The following RIMS2 variants were observed in gnomAD, a reference collection of about 807,000 sequenced individuals.
The protein encoded by RIMS2 is regulating synaptic membrane exocytosis protein 2.
Under a neutral mutation model 174.4 loss-of-function variants are expected in RIMS2, and 59 were observed. The ratio of observed to expected loss-of-function variants is 0.34; its 90% confidence interval spans 0.27 to 0.42. RIMS2 has a LOEUF of 0.42. Ranked by LOEUF, RIMS2 falls within the 10% of genes least tolerant of loss-of-function variation. The pLI is 1.00. For missense variants in RIMS2, 1,620 were observed against 1,666.3 expected, an observed-to-expected ratio of 0.97 and a Z score of 0.48; for synonymous variants, 606 against 572.5, an observed-to-expected ratio of 1.06 and a Z score of -0.84.
chr8:103,533,676 A>AG (rs1554605710), intron 1 of RIMS2, among the ~76,000 whole-genome samples: 1 of 116,552 alleles, frequency 8.6e-6, no homozygotes, highest in African/African-American at 3.0e-5. Flanking sequence ...AAAAAAAAAA[A>AG]AAAAAAGAAA....
At chr8:104,101,346 C>T (rs1178483198) in intron 19 of RIMS2, among the ~76,000 whole-genome samples, 1 of 151,898 alleles carries the variant, frequency 6.6e-6, no homozygotes, top group African/African-American at 2.4e-5. Flanking sequence ...AGGGGCTGGT[C>T]TCAAACTCCT....
chr8:104,044,943 A>G (rs1181229292), intron 19 of RIMS2, among the ~76,000 whole-genome samples: 1 of 151,826 alleles, frequency 6.6e-6, no homozygotes, highest in Non-Finnish European at 1.5e-5. Flanking sequence ...ATTATTTTAG[A>G]AAAGGAAGCA....
chr8:103,553,656 C>G (rs1475805030), intron 1 of RIMS2, among the ~76,000 whole-genome samples: 1 of 152,050 alleles, frequency 6.6e-6, no homozygotes, highest in African/African-American at 2.4e-5. Flanking sequence ...AGTGCTATTC[C>G]TATCATACTA....
At chr8:104,112,135 G>T (rs932884770) in intron 19 of RIMS2, among the ~76,000 whole-genome samples, 1 of 152,056 alleles carries the variant, frequency 6.6e-6, no homozygotes, top group African/African-American at 2.4e-5. Flanking sequence ...TACACAAAAT[G>T]AGCAAATTCC....
At chr8:103,552,562 C>A (rs1213189957) in intron 1 of RIMS2, among the ~76,000 whole-genome samples, 2 of 152,128 alleles carry the variant, frequency 1.3e-5, no homozygotes, top group Non-Finnish European at 2.9e-5. Context: ...GACTAAAACA[C>A]CAAAAGCAAT....
At chr8:104,199,526 A>G (rs2099043643) in intron 19 of RIMS2, among the ~76,000 whole-genome samples, 1 of 152,168 alleles carries the variant, frequency 6.6e-6, no homozygotes, top group Non-Finnish European at 1.5e-5. Context: ...AGTGTCTTTA[A>G]CTGAAATCGT....
intron 4 of RIMS2, among the ~76,000 whole-genome samples, chr8:103,901,082 G>A (rs1432283677): frequency 6.6e-6 from 1 of 152,064 alleles, no homozygotes; most frequent in Non-Finnish European, 1.5e-5. Context: ...CTATGTATTT[G>A]ATTGCTAATA....
intron 19 of RIMS2, among the ~76,000 whole-genome samples, chr8:104,119,835 A>T (rs1163563833): frequency 6.6e-6 from 1 of 152,170 alleles, no homozygotes; most frequent in East Asian, 1.9e-4. Context: ...TTACACTAGA[A>T]CCTTCAAAAG....
At chr8:103,688,403 A>G (rs771572509) in intron 1 of RIMS2, among the ~76,000 whole-genome samples, 1 of 152,052 alleles carries the variant, frequency 6.6e-6, no homozygotes, top group Non-Finnish European at 1.5e-5. Context: ...CATTGATAGA[A>G]TTGTATATGT....
intron 19 of RIMS2, among the ~76,000 whole-genome samples, chr8:104,038,761 A>C (rs2096560703): frequency 6.6e-6 from 1 of 151,912 alleles, no homozygotes; most frequent in Admixed American, 6.6e-5. Context: ...TTTAAATGCA[A>C]TAGTACATAA....
intron 3 of RIMS2, among the ~76,000 whole-genome samples, chr8:103,809,374 C>T (rs2098671960): frequency 6.6e-6 from 1 of 151,786 alleles, no homozygotes; most frequent in African/African-American, 2.4e-5. Flanking sequence ...TTCTCAATAA[C>T]ACATATAATT....
chr8:104,166,079 TTTTTTG>T lies in RIMS2; in HGVS notation c.3335-78836_3335-78831del, dbSNP rs1324353689. On this transcript the variant is annotated intron_variant, in intron 19 of 23. Transcript: ENST00000504942. ...GATTTCTTTTTTTTTTTTTTTTTTT[TTTTTTG>T]AGACAGAGTCTCGCTCTGTCGCCCA... Among the ~76,000 whole-genome samples, 174 of 46,712 alleles carry T rather than the reference TTTTTTG, an allele frequency of 3.7e-3. 2 individuals are homozygous for T. The highest frequency in any genetic ancestry group is 0.033 in the East Asian group (21 of 642). 30.6% of individuals were successfully genotyped at this position (46,712 alleles called of 152,430 possible). A position where few individuals can be genotyped will look rare whatever the true frequency, so the allele number is the denominator to read the frequency against.
chr8:103,659,594 T>A (rs1377427246), intron 1 of RIMS2, among the ~76,000 whole-genome samples: 3 of 152,202 alleles, frequency 2.0e-5, no homozygotes, highest in African/African-American at 7.2e-5. Context: ...CAGTTTTTAC[T>A]GCTGCAGCAG....
At chr8:103,755,686 T>C (rs572398288) in intron 2 of RIMS2, among the ~76,000 whole-genome samples, 73 of 152,288 alleles carry the variant, frequency 4.8e-4, no homozygotes, top group African/African-American at 1.6e-3. Context: ...ATCTTCAATC[T>C]CTGATATCCT....
At chr8:103,755,263 C>G (rs1288647825) in intron 2 of RIMS2, among the ~76,000 whole-genome samples, 2 of 152,180 alleles carry the variant, frequency 1.3e-5, no homozygotes, top group African/African-American at 4.8e-5. Context: ...GGCCCCCACT[C>G]CGTTTTGGCT....
intron 15 of RIMS2, among the ~76,000 whole-genome samples, chr8:103,961,987 A>G (rs534685201): frequency 6.6e-6 from 1 of 152,202 alleles, no homozygotes; most frequent in Non-Finnish European, 1.5e-5. Flanking sequence ...ATTGTGGTTT[A>G]GAAGAGCTAA....
At chr8:104,153,559 C>T (rs1477405020) in intron 19 of RIMS2, among the ~76,000 whole-genome samples, 1 of 152,136 alleles carries the variant, frequency 6.6e-6, no homozygotes, top group African/African-American at 2.4e-5. Flanking sequence ...CATCTAAGTA[C>T]AGTTATTACA....
chr8:104,138,702 T>G (rs1358102561), intron 19 of RIMS2, among the ~76,000 whole-genome samples: 1 of 152,042 alleles, frequency 6.6e-6, no homozygotes, highest in Non-Finnish European at 1.5e-5. Flanking sequence ...GCAAATATTT[T>G]CTCCTATTCT....
rs575251699 is a variant in RIMS2, at chr8:104,189,684, C to T, written c.3335-55232C>T. Among the ~76,000 whole-genome samples, 8 of 149,604 alleles carry T rather than the reference C, an allele frequency of 5.3e-5. No individual in the cohort carries two copies. In the East Asian group the frequency reaches 5.9e-4, roughly 11 times the overall value. ...TGTATATATAGTCTCTCTATATATA[C>T]GCATTTAAATTATACATAGTTTCCA... On this transcript the variant is annotated intron_variant, in intron 19 of 23. Transcript: ENST00000504942.
Sources: allele counts gnomAD v4.1 joint callset (sites outside exome capture counted in the v4.1 genomes callset), GRCh38; gene constraint gnomAD v4.1.1; transcripts MANE v1.5; gene names NCBI Gene and HGNC (gene_info 2026-07-23, HGNC 2026-07-21).